ZNF607: variants seen among roughly 807,000 people sequenced by gnomAD.
ZNF607 encodes the protein zinc finger protein 607.
A neutral mutation model predicts 12.8 loss-of-function variants in ZNF607; 5 were observed. That is an observed-to-expected ratio of 0.39 (90% CI 0.20 to 0.82). ZNF607 has a LOEUF of 0.82. Ranked by LOEUF, ZNF607 falls within the 40% of genes least tolerant of loss-of-function variation. The pLI is 0.39. For synonymous variants in ZNF607, 287 were observed against 276.2 expected, an observed-to-expected ratio of 1.04 and a Z score of -0.39; for missense variants, 851 against 859.2, an observed-to-expected ratio of 0.99 and a Z score of 0.12.
intron 4 of ZNF607, among the ~76,000 whole-genome samples, chr19:37,706,194 G>A (rs931180542): frequency 4.0e-5 from 6 of 149,430 alleles, no homozygotes; most frequent in South Asian, 4.2e-4. Flanking sequence ...ACTCTATCTC[G>A]AAAGATGGAA....
Position 37,699,261 on chromosome 19 carries a change from A to G in ZNF607, c.870T>C (p.Phe290=). The change falls in exon 5 of 5, where the codon TTT becomes TTC. Residue 290 remains phenylalanine, a synonymous_variant. Coordinates refer to ENST00000355202, the MANE Select transcript of ZNF607 (RefSeq NM_032689.5). ...PHECKECGKA[F]RQFSHLVGHK... ...GACCCACAAGGTGGGAAAACTGACG[A>G]AAGGCCTTTCCACATTCCTTACATT... is the stretch of plus-strand genomic sequence containing the variant. 2 of 1,613,922 alleles carry G rather than the reference A, an allele frequency of 1.2e-6. 1 individual carries two copies. Among genetic ancestry groups the G allele is most frequent in the East Asian group, 4.5e-5 (2 of 44,824 alleles).
intron 4 of ZNF607, among the ~76,000 whole-genome samples, chr19:37,707,010 G>C (rs1174257453): frequency 6.6e-6 from 1 of 152,170 alleles, no homozygotes; most frequent in Non-Finnish European, 1.5e-5. Context: ...ATTTTTTGTA[G>C]AGATGGGGTT....
At chr19:37,708,627 C>G (rs961199444) in intron 3 of ZNF607, among the ~76,000 whole-genome samples, 6 of 148,098 alleles carry the variant, frequency 4.1e-5, no homozygotes, top group African/African-American at 1.5e-4. Flanking sequence ...CTTTGGGAGG[C>G]CCTGAGGTCA....
intron 1 of ZNF607, among the ~76,000 whole-genome samples, chr19:37,712,318 C>T (rs1338439799): frequency 6.6e-6 from 1 of 152,052 alleles, no homozygotes; most frequent in Non-Finnish European, 1.5e-5. Context: ...TATATAAATA[C>T]ATATCCATCA....
At position 37,709,825 on chromosome 19, in the gene ZNF607, GA is replaced by G. The variant is rs1180545168; in HGVS notation, c.10-4del. ...ACATCCCCGAATGTTATTGATCCCTGAAACAGCAAACCCATGTATTACTGGG... is the reference window on the plus strand; with the variant it reads ...ACATCCCCGAATGTTATTGATCCCTGAACAGCAAACCCATGTATTACTGGG... On this transcript the variant is annotated splice_polypyrimidine_tract_variant and splice_region_variant and intron_variant, in intron 2 of 4. Coordinates refer to ENST00000355202, the MANE Select transcript of ZNF607 (RefSeq NM_032689.5). The G allele has an allele frequency of 1.9e-6, 3 of 1,612,808 alleles. No individual in the cohort carries two copies. In the East Asian group the frequency reaches 6.7e-5, roughly 36 times the overall value.
chr19:37,703,711 C>T (rs2045058452), intron 4 of ZNF607, among the ~76,000 whole-genome samples: 1 of 152,072 alleles, frequency 6.6e-6, no homozygotes, highest in South Asian at 2.1e-4. Flanking sequence ...AGGTGCATGT[C>T]GTAACATAAA....
At chr19:37,714,628 G>A (rs2045161144) in intron 1 of ZNF607, among the ~76,000 whole-genome samples, 1 of 148,864 alleles carries the variant, frequency 6.7e-6, no homozygotes, top group African/African-American at 2.5e-5. Flanking sequence ...AAATTAAGAA[G>A]ACAGGCTGTC....
intron 4 of ZNF607, among the ~76,000 whole-genome samples, chr19:37,701,533 C>T (rs1471241491): frequency 6.6e-6 from 1 of 152,202 alleles, no homozygotes; most frequent in Non-Finnish European, 1.5e-5. Context: ...AATAGGGGAA[C>T]GACACAGCAG....
intron 1 of ZNF607, among the ~76,000 whole-genome samples, chr19:37,718,061 T>C (rs2145254959): frequency 6.6e-6 from 1 of 152,302 alleles, no homozygotes; most frequent in East Asian, 1.9e-4. Flanking sequence ...TAAAACTCTT[T>C]GATTCCAGAT....
At chr19:37,705,729 A>G (rs932396574) in intron 4 of ZNF607, among the ~76,000 whole-genome samples, 2 of 151,534 alleles carry the variant, frequency 1.3e-5, no homozygotes, top group African/African-American at 4.8e-5. Flanking sequence ...TTCAACTTCC[A>G]AGAAAAATAC....
chr19:37,702,486 A>C (rs1160250639), intron 4 of ZNF607, among the ~76,000 whole-genome samples: 1 of 152,308 alleles, frequency 6.6e-6, no homozygotes, highest in Middle Eastern at 3.4e-3. Context: ...TTTAATGCCA[A>C]GTAAGATATG....
Position 37,699,153 on chromosome 19 carries a change from C to A in ZNF607, c.978G>T (p.Met326Ile). 6.2e-7 allele frequency: 1 copy of A among 1,614,188 alleles called. No individual in the cohort carries two copies. Among genetic ancestry groups the A allele is most frequent in the South Asian group, 1.1e-5 (1 of 91,084 alleles). ...KGFTCRYQLTMHQRIYSGEKH... is the reference protein window; with the variant it reads ...KGFTCRYQLTIHQRIYSGEKH... ...TCTCCCCTGAATAAATTCTCTGATGCATGGTAAGTTGATACCTACATGTAA... is the reference window on the plus strand; with the variant it reads ...TCTCCCCTGAATAAATTCTCTGATGAATGGTAAGTTGATACCTACATGTAA... Residue 326 changes from methionine (M) to isoleucine (I), a missense_variant, in exon 5 of 5, where the codon ATG becomes ATT. Coordinates refer to ENST00000355202, the MANE Select transcript of ZNF607 (RefSeq NM_032689.5).
At chr19:37,714,046 C>T (rs2045153538) in intron 1 of ZNF607, among the ~76,000 whole-genome samples, 1 of 151,922 alleles carries the variant, frequency 6.6e-6, no homozygotes, top group Non-Finnish European at 1.5e-5. Flanking sequence ...CCCAGTCGGG[C>T]GCAGTGGCTC....
chr19:37,710,269 A>G (rs2045122035), intron 2 of ZNF607, among the ~76,000 whole-genome samples: 1 of 152,072 alleles, frequency 6.6e-6, no homozygotes, highest in South Asian at 2.1e-4. Flanking sequence ...GTTCAAGACC[A>G]GCCTGACCAA....
At chr19:37,702,287 C>CAAAAAAAA (rs10714690) in intron 4 of ZNF607, among the ~76,000 whole-genome samples, 15 of 73,616 alleles carry the variant, frequency 2.0e-4, no homozygotes, top group South Asian at 5.2e-4. Context: ...AACTCCATCT[C>CAAAAAAAA]AAAAAAAAAA....
Position 37,698,938 on chromosome 19 carries a change from C to A in ZNF607, c.1193G>T (p.Cys398Phe). 2 of 1,614,048 alleles carry A rather than the reference C, an allele frequency of 1.2e-6. No homozygotes were observed. The highest frequency in any genetic ancestry group is 1.7e-6 in the Non-Finnish European group (2 of 1,179,988). ...SGKKPYECNK[C>F]GKSFRLNSSL... ...TGAATTGAGCCTAAAGGACTTCCCA[C>A]ATTTGTTACATTCATAGGGTTTCTT... Residue 398 changes from cysteine (C) to phenylalanine (F), a missense_variant, in exon 5 of 5, where the codon TGT (cysteine) becomes TTT (phenylalanine). Transcript: ENST00000355202.
At chr19:37,710,395 G>A (rs546683470) in intron 2 of ZNF607, among the ~76,000 whole-genome samples, 39 of 151,314 alleles carry the variant, frequency 2.6e-4, no homozygotes, top group Non-Finnish European at 4.6e-4. Context: ...GAGCCTAGAA[G>A]GCAGAGGTTG....
intron 1 of ZNF607, among the ~76,000 whole-genome samples, chr19:37,718,420 T>A (rs991274123): frequency 1.3e-5 from 2 of 152,084 alleles, no homozygotes; most frequent in Non-Finnish European, 2.9e-5. Context: ...GAAGGAAGTA[T>A]GTTGGATGGA....
intron 1 of ZNF607, among the ~76,000 whole-genome samples, chr19:37,716,368 G>A (rs2045176598): frequency 6.6e-6 from 1 of 152,118 alleles, no homozygotes; most frequent in Non-Finnish European, 1.5e-5. Context: ...CTGTTTTCAG[G>A]AAAAACTGAT....
Sources: gnomAD v4.1 joint callset for allele counts (sites outside exome capture counted in the v4.1 genomes callset) on GRCh38, gnomAD v4.1.1 for gene constraint, MANE v1.5 for transcripts, NCBI Gene and HGNC (gene_info 2026-07-23, HGNC 2026-07-21) for gene names.